TSC1: variants seen among roughly 807,000 people sequenced by gnomAD.
The protein encoded by TSC1 is TSC complex subunit 1, also known as hamartin.
Under a neutral mutation model 124.3 loss-of-function variants are expected in TSC1, and 20 were observed. That is an observed-to-expected ratio of 0.16 (90% CI 0.11 to 0.23). The LOEUF is 0.23. TSC1 is among the 10% of genes least tolerant of loss of function. The probability of loss-of-function intolerance (pLI) is 1.00; values close to 1 mark genes in which losing one functional copy is unlikely to be tolerated. For missense variants in TSC1, 1,124 were observed against 1,448.5 expected (o/e 0.78, Z 3.64); for synonymous variants, 493 against 539.1 (o/e 0.91, Z 1.19).
At chr9:132,912,051 G>A (rs565487163) in intron 9 of TSC1, among the ~76,000 whole-genome samples, 4 of 152,130 alleles carry the variant, frequency 2.6e-5, no homozygotes, top group Non-Finnish European at 4.4e-5. Flanking sequence ...TTGGAGACAC[G>A]TCACCAACTC....
At chr9:132,934,989 T>G (rs1847381912) in intron 2 of TSC1, 44 bp downstream of exon 2, 3 of 398,908 alleles carry the variant, frequency 7.5e-6, no homozygotes, top group Admixed American at 4.4e-5. Flanking sequence ...GGCAAGATAA[T>G]TCCCTCCCAT....
intron 2 of TSC1, among the ~76,000 whole-genome samples, chr9:132,932,588 C>T (rs191813698): frequency 6.6e-6 from 1 of 152,300 alleles, no homozygotes; most frequent in African/African-American, 2.4e-5. Flanking sequence ...GAGCCAATAA[C>T]ATTATGGAAC....
At chr9:132,918,192 A>T (rs1183774240) in intron 8 of TSC1, among the ~76,000 whole-genome samples, 4 of 152,270 alleles carry the variant, frequency 2.6e-5, no homozygotes, top group Non-Finnish European at 5.9e-5. Flanking sequence ...GAGAGGGAAT[A>T]GAACCATAAG....
intron 8 of TSC1, among the ~76,000 whole-genome samples, chr9:132,916,945 T>C (rs1317855199): frequency 6.6e-6 from 1 of 152,238 alleles, no homozygotes; most frequent in Non-Finnish European, 1.5e-5. Context: ...GTGGAATACA[T>C]GCTCCAGTGA....
intron 8 of TSC1, among the ~76,000 whole-genome samples, chr9:132,914,655 G>A (rs887124958): frequency 2.1e-5 from 3 of 144,468 alleles, no homozygotes; most frequent in South Asian, 2.2e-4. Flanking sequence ...GGCCAAGTTC[G>A]AGACCAGCAT....
chr9:132,912,416 G>A lies in TSC1; in HGVS notation c.779C>T (p.Ala260Val), dbSNP rs758617649. The A allele has an allele frequency of 6.2e-7, 1 of 1,614,098 alleles. No individual in the cohort carries two copies. Among genetic ancestry groups the A allele is most frequent in the Non-Finnish European group, 8.5e-7 (1 of 1,180,028 alleles). Residue 260 changes from alanine to valine, a missense_variant, in exon 9 of 23, where the codon GCC (alanine) becomes GTC (valine). Ala to Val is a moderately conservative substitution (Grantham distance 64). This residue lies in a region of TSC1 where 463 missense variants were observed against 606.8 expected (regional missense o/e 0.76). Transcript: ENST00000298552. Reference protein sequence around the residue: ...LETHDVVIECAKISLDPTEAS... With the variant: ...LETHDVVIECVKISLDPTEAS... ...TTCTGTGGGATCCAGAGAGATTTTG[G>A]CACACTCGATCACAACATCATGAGT...
chr9:132,940,038 T>C (rs1023600142), intron 1 of TSC1, among the ~76,000 whole-genome samples: 3 of 152,068 alleles, frequency 2.0e-5, no homozygotes, highest in African/African-American at 7.2e-5. Flanking sequence ...GAAAAAAATA[T>C]ATAGAGTGCA....
chr9:132,895,476 G>C lies in TSC1; in HGVS notation c.*759C>G. 1 of 233,846 alleles carries C rather than the reference G, an allele frequency of 4.3e-6. No homozygotes were observed. Among genetic ancestry groups the C allele is most frequent in the Non-Finnish European group, 8.5e-6 (1 of 118,232 alleles). 14.5% of individuals were successfully genotyped at this position (233,846 alleles called of 1,614,324 possible). Reference sequence around the variant, plus strand: ...TACACACCAGCCTGTGGTCACAATAGTACCAGCATTCAAGCAAACACCAAA... The same window carrying C: ...TACACACCAGCCTGTGGTCACAATACTACCAGCATTCAAGCAAACACCAAA... On this transcript the variant is annotated 3_prime_UTR_variant, in exon 23 of 23. Transcript: ENST00000298552.
Position 132,903,901 on chromosome 9 carries a change from A to C in TSC1, c.2042-84T>G. 6.6e-7 allele frequency: 1 copy of C among 1,512,502 alleles called. No homozygotes were observed. Among genetic ancestry groups the C allele is most frequent in the Admixed American group, 1.7e-5 (1 of 58,624 alleles). The allele number at this position is 1,512,502 out of a possible 1,614,324, so 93.7% of individuals were successfully genotyped here. Reference sequence around the variant, plus strand: ...CCCCCTTCCCATGTGTTGTTAGCTTAACAAACACAATTCTTTAAAAACAAA... The same window carrying C: ...CCCCCTTCCCATGTGTTGTTAGCTTCACAAACACAATTCTTTAAAAACAAA... On this transcript the variant is annotated intron_variant, in intron 16 of 22. Transcript: ENST00000298552. This position sits in a 1 kb window ranked among gnomAD's most constrained non-coding sequence, Gnocchi z 5.9.
At chr9:132,936,806 T>C (rs538766800) in intron 1 of TSC1, among the ~76,000 whole-genome samples, 9 of 152,272 alleles carry the variant, frequency 5.9e-5, no homozygotes, top group African/African-American at 2.2e-4. Context: ...CAGAGTTGAA[T>C]AGAGTATGAA....
At chr9:132,911,625 TAAAAAAA>T (rs11364856) in intron 9 of TSC1, 57 bp from the exon 10 acceptor site, 4,799 of 166,868 alleles carry the variant, frequency 0.029, 7 homozygotes, top group South Asian at 0.032. Flanking sequence ...TTATTCTGGT[TAAAAAAA>T]AAAAAAAAAA....
chr9:132,921,232 T>C lies in TSC1; in HGVS notation c.737+131A>G. On this transcript the variant is annotated intron_variant, in intron 8 of 22. Coordinates refer to ENST00000298552, the MANE Select transcript of TSC1 (RefSeq NM_000368.5). The surrounding 1 kb of genome is among the most constrained non-coding windows in gnomAD (Gnocchi z 4.3). Reference sequence around the variant, plus strand: ...CTCACACAAATTTTAGCTGTATGAGTGCTTCCAAGTGGACTGATTCTGTAA... The same window carrying C: ...CTCACACAAATTTTAGCTGTATGAGCGCTTCCAAGTGGACTGATTCTGTAA... The C allele has an allele frequency of 1.1e-6, 1 of 935,528 alleles. No individual in the cohort carries two copies. 58.0% of individuals were successfully genotyped at this position (935,528 alleles called of 1,614,324 possible).
chr9:132,918,130 C>T (rs1037749713), intron 8 of TSC1, among the ~76,000 whole-genome samples: 4 of 152,156 alleles, frequency 2.6e-5, no homozygotes, highest in African/African-American at 7.2e-5. Flanking sequence ...CCACTGTCTA[C>T]AGTAAAGACT....
chr9:132,897,142 G>A lies in TSC1; in HGVS notation c.2975+42C>T, dbSNP rs750516281. ...TGACACAGTCCTTATGCTGGAATTG[G>A]CAGCTTAGTCCCAAGGTCATGAATC... On this transcript the variant is annotated intron_variant, in intron 22 of 22. Transcript: ENST00000298552. 2.4e-5 allele frequency: 39 copies of A among 1,612,926 alleles called. 1 individual carries two copies. The Middle Eastern group carries it at 9.9e-4, about 41-fold the overall frequency.
In TSC1 at chr9:132,930,291, C is replaced by T. The variant is rs909153676; in HGVS notation, c.-80-1339G>A. 2.6e-5 allele frequency among the ~76,000 whole-genome samples: 4 copies of T among 151,898 alleles called. No homozygotes were observed. In the East Asian group the frequency reaches 5.8e-4, roughly 22 times the overall value. On this transcript the variant is annotated intron_variant, in intron 2 of 22. Coordinates refer to ENST00000298552, the MANE Select transcript of TSC1 (RefSeq NM_000368.5). ...TCCAACTAAAGAGTTAAGCTGAGGC[C>T]GGATGTAGTGGCTGAGGCCAGGCAT...
chr9:132,909,277 T>C (rs1219811216), intron 12 of TSC1, among the ~76,000 whole-genome samples: 1 of 152,218 alleles, frequency 6.6e-6, no homozygotes, highest in Non-Finnish European at 1.5e-5. Context: ...TCTGAAAATA[T>C]TGGCTCCTCA....
chr9:132,902,103 G>T lies in TSC1; in HGVS notation c.2392-404C>A. On this transcript the variant is annotated intron_variant, in intron 18 of 22. Transcript: ENST00000298552. This position sits in a 1 kb window ranked among gnomAD's most constrained non-coding sequence, Gnocchi z 5.2. The stretch of plus-strand genomic sequence containing the variant: ...GTCTTTGTGAAGCCGGGTTTTTTTG[G>T]GTGCAGTGATACAAAGCACCACAAG... 1 of 243,618 alleles carries T rather than the reference G, an allele frequency of 4.1e-6. No homozygotes were observed. The highest frequency in any genetic ancestry group is 2.3e-5 in the African/African-American group (1 of 43,856). The allele number at this position is 243,618 out of a possible 1,614,324, so 15.1% of individuals were successfully genotyped here.
In TSC1 at chr9:132,903,880, C is replaced by G; in HGVS notation, c.2042-63G>C. 1 of 1,587,740 alleles carries G rather than the reference C, an allele frequency of 6.3e-7. No individual in the cohort carries two copies. On this transcript the variant is annotated intron_variant, in intron 16 of 22. Coordinates refer to ENST00000298552, the MANE Select transcript of TSC1 (RefSeq NM_000368.5). This position sits in a 1 kb window ranked among gnomAD's most constrained non-coding sequence, Gnocchi z 5.9. ...TTTACAGATGGTTCAATCAAGCCCC[C>G]TTCCCATGTGTTGTTAGCTTAACAA...
rs10712193 is a variant in TSC1 at position 132,910,301 on chromosome 9, C to CAAAAA, written c.1263+265_1263+269dup. 29 of 479,152 alleles carry CAAAAA rather than the reference C, an allele frequency of 6.1e-5. No homozygotes were observed. In the African/African-American group the frequency reaches 7.3e-4, roughly 12 times the overall value. 29.7% of individuals were successfully genotyped at this position (479,152 alleles called of 1,614,324 possible). On this transcript the variant is annotated intron_variant, in intron 12 of 22. Transcript: ENST00000298552. ...GGGCGACAGAGCAAGACCCTGTCTC[C>CAAAAA]AAAAAAAAAAAAAAAAAAAAAATCA...
Sources: allele counts gnomAD v4.1 joint callset (sites outside exome capture counted in the v4.1 genomes callset), GRCh38; gene constraint gnomAD v4.1.1; regional missense constraint gnomAD v4.1.1; non-coding constraint Gnocchi (gnomAD v3.1); transcripts MANE v1.5; gene names NCBI Gene and HGNC (gene_info 2026-07-23, HGNC 2026-07-21).